Variants in FAM234A observed in about 807,000 individuals in gnomAD.
The protein encoded by FAM234A is family with sequence similarity 234 member A, also known as protein FAM234A.
Under a neutral mutation model 49.1 loss-of-function variants are expected in FAM234A, and 42 were observed. That is an observed-to-expected ratio of 0.86 (90% CI 0.67 to 1.11). FAM234A has a LOEUF of 1.11. Ranked by LOEUF, FAM234A falls within the 50% of genes least tolerant of loss-of-function variation. The pLI is 0.00. For synonymous variants in FAM234A, 369 were observed against 316.2 expected, an observed-to-expected ratio of 1.17 and a Z score of -1.77; for missense variants, 815 against 745.2, an observed-to-expected ratio of 1.09 and a Z score of -1.09.
chr16:249,013 T>C (rs1253114886), intron 1 of FAM234A, among the ~76,000 whole-genome samples: 1 of 152,004 alleles, frequency 6.6e-6, no homozygotes, highest in East Asian at 1.9e-4. Context: ...CCTTTGGTCA[T>C]AGCTTACATA....
intron 1 of FAM234A, chr16:248,262 G>A (rs1273660174): frequency 2.0e-5 from 3 of 151,966 alleles, no homozygotes; most frequent in Non-Finnish European, 4.4e-5. Flanking sequence ...CGTGCATGGG[G>A]GAAATGTTTG....
At chr16:255,386 G>C (rs1456273069) in intron 3 of FAM234A, among the ~76,000 whole-genome samples, 1 of 152,078 alleles carries the variant, frequency 6.6e-6, no homozygotes, top group Non-Finnish European at 1.5e-5. Flanking sequence ...TTGCTCAAGA[G>C]GCTGGGCACA....
In FAM234A at chr16:265,572, C is replaced by T; in HGVS notation, c.*550C>T. Reference sequence around the variant, plus strand: ...CTGAGACAGCTCCAGCTTCGCAGCCCTTCCCGGAGCTACAGGGGGATCCTC... The same window carrying T: ...CTGAGACAGCTCCAGCTTCGCAGCCTTTCCCGGAGCTACAGGGGGATCCTC... On this transcript the variant is annotated 3_prime_UTR_variant, in exon 13 of 13. Coordinates refer to ENST00000399932, the MANE Select transcript of FAM234A (RefSeq NM_032039.4). The T allele has an allele frequency of 3.0e-6, 3 of 985,898 alleles. No homozygotes were observed. Among genetic ancestry groups the T allele is most frequent in the South Asian group, 9.4e-5 (2 of 21,306 alleles). The allele number at this position is 985,898 out of a possible 1,614,324, so 61.1% of individuals were successfully genotyped here. A position where few individuals can be genotyped will look rare whatever the true frequency, so the allele number is the denominator to read the frequency against.
rs191999590 is a variant in FAM234A at position 238,216 on chromosome 16, G to C, written c.-140+3359G>C. On this transcript the variant is annotated intron_variant, in intron 1 of 12. Transcript: ENST00000399932. ...GTGTTTTTGGTAGAGACGAGGTTTC[G>C]CCATGTTGGCCAGGCTGGTCTTGAA... is the stretch of plus-strand genomic sequence containing the variant. Among the ~76,000 whole-genome samples, 275 of 151,980 alleles carry C rather than the reference G, an allele frequency of 1.8e-3. 7 individuals carry two copies. The East Asian group carries it at 0.042, about 23-fold the overall frequency.
downstream of FAM234A, among the ~76,000 whole-genome samples, chr16:266,302 T>TG (rs2051691040): frequency 6.6e-6 from 1 of 152,198 alleles, no homozygotes. Flanking sequence ...TGACATCCTC[T>TG]GGGGGTCTCC....
Position 260,324 on chromosome 16 carries a change from G to T in FAM234A, c.577+164G>T, listed in dbSNP as rs1456554326. 5.5e-5 allele frequency: 37 copies of T among 669,404 alleles called. 1 individual carries two copies. Among genetic ancestry groups the T allele is most frequent in the Non-Finnish European group, 2.6e-6 (1 of 385,094 alleles). The allele number at this position is 669,404 out of a possible 1,614,324, so 41.5% of individuals were successfully genotyped here. On this transcript the variant is annotated intron_variant, in intron 5 of 12. Transcript: ENST00000399932. The stretch of plus-strand genomic sequence containing the variant: ...GGAGAACCTCCAAGTGAGGCTGCAA[G>T]CGTGTGGAAGGCACACGCCTCGGCT...
chr16:235,436 C>T (rs553655455), intron 1 of FAM234A, among the ~76,000 whole-genome samples: 1 of 152,230 alleles, frequency 6.6e-6, no homozygotes, highest in Admixed American at 6.5e-5. Context: ...AAAACAGAGG[C>T]TAGATGGGAG....
chr16:262,503 G>A lies in FAM234A; in HGVS notation c.921G>A (p.Pro307=), dbSNP rs1158614429. Residue 307 remains proline (P), a synonymous_variant, in exon 8 of 13, where the codon CCG becomes CCA. Coordinates refer to ENST00000399932, the MANE Select transcript of FAM234A (RefSeq NM_032039.4). ...GCGGCGGCCCGTTCAAGAGTGACCC[G>A]CACTGGGAGAGCATGCTCAATGCCA... ...TGSGGPFKSD[P]HWESMLNATT... 3.7e-6 allele frequency: 6 copies of A among 1,612,260 alleles called. No individual in the cohort carries two copies. The highest frequency in any genetic ancestry group is 2.2e-5 in the South Asian group (2 of 90,890).
rs180713098 is a variant in FAM234A at position 244,798 on chromosome 16, C to T, written c.-139-4751C>T. Among the ~76,000 whole-genome samples the T allele has an allele frequency of 8.3e-3, 1,257 of 150,602 alleles. 43 individuals are homozygous for T. The highest frequency in any genetic ancestry group is 0.071 in the Admixed American group (1,061 of 15,008). ...TGCCTCCCAGGTTCAAGTGATTCTCCTGCCTCAGCCTCCCGAGTAGCTGGG... is the reference window on the plus strand; with the variant it reads ...TGCCTCCCAGGTTCAAGTGATTCTCTTGCCTCAGCCTCCCGAGTAGCTGGG... On this transcript the variant is annotated intron_variant, in intron 1 of 12. Transcript: ENST00000399932.
At chr16:237,656 C>T (rs958212057) in intron 1 of FAM234A, among the ~76,000 whole-genome samples, 2 of 151,582 alleles carry the variant, frequency 1.3e-5, no homozygotes, top group African/African-American at 4.8e-5. Flanking sequence ...TCCCTTAGAG[C>T]AAGTGATCTC....
At chr16:245,091 G>A (rs1290590388) in intron 1 of FAM234A, among the ~76,000 whole-genome samples, 2 of 151,960 alleles carry the variant, frequency 1.3e-5, no homozygotes, top group East Asian at 3.9e-4. Context: ...TAGGCTGGGC[G>A]TGGCCCACAC....
chr16:260,631 A>G (rs1381867660), intron 5 of FAM234A: 1 of 472,842 alleles, frequency 2.1e-6, no homozygotes, highest in East Asian at 6.9e-5. Flanking sequence ...GGACGAGGGA[A>G]AGAATGCGTG....
intron 1 of FAM234A, among the ~76,000 whole-genome samples, chr16:237,627 C>T (rs1596727217): frequency 6.6e-6 from 1 of 151,958 alleles, no homozygotes; most frequent in Non-Finnish European, 1.5e-5. Flanking sequence ...GGGCCCATGT[C>T]CTCACATGGT....
chr16:244,015 C>T (rs2050706486), intron 1 of FAM234A, among the ~76,000 whole-genome samples: 1 of 151,568 alleles, frequency 6.6e-6, no homozygotes, highest in Non-Finnish European at 1.5e-5. Context: ...GTCACCCAGG[C>T]TGGAGTGCAG....
intron 1 of FAM234A, among the ~76,000 whole-genome samples, chr16:242,703 C>T (rs373867626): frequency 6.6e-6 from 1 of 151,706 alleles, no homozygotes; most frequent in African/African-American, 2.4e-5. Flanking sequence ...ACCTCTGCCC[C>T]CCGGGTTCAA....
intron 1 of FAM234A, among the ~76,000 whole-genome samples, chr16:237,919 G>A (rs1166372082): frequency 2.6e-5 from 4 of 151,910 alleles, no homozygotes; most frequent in Non-Finnish European, 5.9e-5. Flanking sequence ...GGCTGGGCTC[G>A]TCTCAAACTC....
In FAM234A at chr16:254,245, T is replaced by G. The variant is rs1430546065; in HGVS notation, c.-33-136T>G. The stretch of plus-strand genomic sequence containing the variant: ...TGACACCCTAAACATTTATTTAGCT[T>G]TTATTTCCTGGGCTGGTGGCCCATA... On this transcript the variant is annotated intron_variant, in intron 2 of 12. Coordinates refer to ENST00000399932, the MANE Select transcript of FAM234A (RefSeq NM_032039.4). The G allele has an allele frequency of 8.5e-6, 6 of 705,208 alleles. No individual in the cohort carries two copies. The East Asian group carries it at 1.2e-4, about 14-fold the overall frequency. The allele number at this position is 705,208 out of a possible 1,614,324, so 43.7% of individuals were successfully genotyped here.
intron 1 of FAM234A, among the ~76,000 whole-genome samples, chr16:240,794 A>G (rs752215397): frequency 6.6e-6 from 1 of 152,058 alleles, no homozygotes; most frequent in Non-Finnish European, 1.5e-5. Context: ...GAGCTACCAC[A>G]CCCAGCTGGG....
rs966512113 is a variant in FAM234A, at chr16:261,629, G to A, written c.708+115G>A. The A allele has an allele frequency of 7.0e-6, 9 of 1,293,028 alleles. No homozygotes were observed. The African/African-American group carries it at 8.8e-5, about 13-fold the overall frequency. The allele number at this position is 1,293,028 out of a possible 1,614,324, so 80.1% of individuals were successfully genotyped here. ...CAGGATTCGGGTCTGACCACTTGCC[G>A]GGGACTCGCCCAGAGCCCCACGTTC... is the stretch of plus-strand genomic sequence containing the variant. On this transcript the variant is annotated intron_variant, in intron 6 of 12. Transcript: ENST00000399932.
Sources: gnomAD v4.1 joint callset for allele counts (sites outside exome capture counted in the v4.1 genomes callset) on GRCh38, gnomAD v4.1.1 for gene constraint, MANE v1.5 for transcripts, NCBI Gene and HGNC (gene_info 2026-07-23, HGNC 2026-07-21) for gene names.